The following DIP2C variants were observed in gnomAD, a reference collection of about 807,000 sequenced individuals.
The protein encoded by DIP2C is disco-interacting protein 2 homolog C.
A neutral mutation model predicts 192.4 loss-of-function variants in DIP2C; 33 were observed. That is an observed-to-expected ratio of 0.17 (90% CI 0.13 to 0.23). The LOEUF (loss-of-function observed/expected upper bound fraction) is 0.23, where lower values mean the gene tolerates loss of function less well. Ranked by LOEUF, DIP2C falls within the 10% of genes least tolerant of loss-of-function variation. DIP2C has a pLI of 1.00. For missense variants in DIP2C, 1,537 were observed against 2,110.1 expected (o/e 0.73, Z 5.32); for synonymous variants, 979 against 864.1 (o/e 1.13, Z -2.33).
At chr10:280,123 G>C (rs542157497) in intron 36 of DIP2C, among the ~76,000 whole-genome samples, 2 of 152,270 alleles carry the variant, frequency 1.3e-5, no homozygotes, top group South Asian at 4.2e-4. Flanking sequence ...GAGGACTTTT[G>C]AGAGTAGGGG....
chr10:627,439 G>C (rs923294137), intron 1 of DIP2C, among the ~76,000 whole-genome samples: 5 of 152,142 alleles, frequency 3.3e-5, no homozygotes, highest in African/African-American at 4.8e-5. Context: ...TGTTACTGAG[G>C]AAAAAGGAAA....
chr10:357,782 G>A (rs374833132), intron 23 of DIP2C, 46 bp downstream of exon 23: 108 of 1,482,080 alleles, frequency 7.3e-5, no homozygotes, highest in African/African-American at 4.2e-4. Flanking sequence ...GGGGACAGTC[G>A]GAAAAGTCGG....
intron 1 of DIP2C, among the ~76,000 whole-genome samples, chr10:520,285 C>T (rs145612195): frequency 2.5e-4 from 38 of 152,286 alleles, no homozygotes; most frequent in African/African-American, 8.7e-4. Context: ...ACCAGAACAT[C>T]AGACGCCACA....
At chr10:339,885 T>G (rs1053380252) in intron 29 of DIP2C, among the ~76,000 whole-genome samples, 2 of 152,240 alleles carry the variant, frequency 1.3e-5, no homozygotes, top group Non-Finnish European at 2.9e-5. Context: ...TTAAAAATAT[T>G]TGTTCCAGAA....
At chr10:665,464 T>C (rs1857030841) in intron 1 of DIP2C, 1 of 152,184 alleles carries the variant, frequency 6.6e-6, no homozygotes, top group Non-Finnish European at 1.5e-5. Flanking sequence ...TGGAAAATAT[T>C]TTCAGTAGTT....
At position 417,840 on chromosome 10, in the gene DIP2C, CCACCTGCACCTGTCAGAGCTCG is replaced by C. The variant is rs1564685750; in HGVS notation, c.739+1203_739+1224del. The stretch of plus-strand genomic sequence containing the variant: ...TCAGGGCGCGGACAGGCCTCCCTGT[CCACCTGCACCTGTCAGAGCTCG>C]GACAGGCCTCCCTGTCCACCTGCAC... On this transcript the variant is annotated intron_variant, in intron 6 of 36. Coordinates refer to ENST00000280886, the MANE Select transcript of DIP2C (RefSeq NM_014974.3). Among the ~76,000 whole-genome samples, 34 of 87,348 alleles carry C rather than the reference CCACCTGCACCTGTCAGAGCTCG, an allele frequency of 3.9e-4. 2 individuals are homozygous for C. Among genetic ancestry groups the C allele is most frequent in the African/African-American group, 1.4e-3 (23 of 16,886 alleles). The allele number at this position is 87,348 out of a possible 152,430, so 57.3% of individuals were successfully genotyped here.
chr10:293,967 A>G (rs1955618290), intron 32 of DIP2C, among the ~76,000 whole-genome samples: 2 of 152,214 alleles, frequency 1.3e-5, no homozygotes, highest in Non-Finnish European at 2.9e-5. Flanking sequence ...GCAACGAGAG[A>G]AAACAGAGGA....
intron 1 of DIP2C, among the ~76,000 whole-genome samples, chr10:578,450 C>G (rs927325636): frequency 1.3e-5 from 2 of 152,184 alleles, no homozygotes; most frequent in Admixed American, 6.5e-5. Flanking sequence ...ATCACCAAGT[C>G]CCTGTTGTTT....
chr10:476,393 T>C (rs542072112), intron 2 of DIP2C, among the ~76,000 whole-genome samples: 218 of 152,280 alleles, frequency 1.4e-3, no homozygotes, highest in African/African-American at 4.7e-3. Flanking sequence ...GGCAAGTTTG[T>C]GAACTTTCCT....
chr10:446,249 T>C (rs1331873567), intron 3 of DIP2C, among the ~76,000 whole-genome samples: 1 of 152,168 alleles, frequency 6.6e-6, no homozygotes, highest in African/African-American at 2.4e-5. Flanking sequence ...TGGGCATCTG[T>C]ATACACCTGT....
intron 1 of DIP2C, among the ~76,000 whole-genome samples, chr10:638,340 C>T (rs1588651882): frequency 6.6e-6 from 1 of 152,122 alleles, no homozygotes; most frequent in East Asian, 1.9e-4. Flanking sequence ...GAAAAGAGCA[C>T]GCTCTATTTA....
At chr10:530,707 T>G (rs1327936141) in intron 1 of DIP2C, among the ~76,000 whole-genome samples, 2 of 148,842 alleles carry the variant, frequency 1.3e-5, no homozygotes. Flanking sequence ...AAAAGGTTGA[T>G]TAATACAATA....
chr10:303,174 CTG>C (rs1448232009), intron 32 of DIP2C, among the ~76,000 whole-genome samples: 3 of 152,164 alleles, frequency 2.0e-5, no homozygotes, highest in Admixed American at 6.5e-5. Flanking sequence ...TTCTTAAACA[CTG>C]TACTCGTAAG....
intron 7 of DIP2C, among the ~76,000 whole-genome samples, chr10:414,707 A>ATGTATGTGTG (rs1554847954): frequency 2.1e-5 from 1 of 47,800 alleles, no homozygotes; most frequent in African/African-American, 9.1e-5. Context: ...GTGTGTATGT[A>ATGTATGTGTG]TGTGTGTGTG....
At chr10:643,217 CA>C (rs59131339) in intron 1 of DIP2C, among the ~76,000 whole-genome samples, 12,583 of 99,464 alleles carry the variant, frequency 0.13, 666 homozygotes, top group African/African-American at 0.19. Context: ...GACTCCGTCT[CA>C]AAAAAAAAAA....
intron 1 of DIP2C, among the ~76,000 whole-genome samples, chr10:599,628 AC>A (rs1186532136): frequency 1.3e-5 from 2 of 152,102 alleles, no homozygotes; most frequent in Non-Finnish European, 2.9e-5. Flanking sequence ...GGCTGGAGGG[AC>A]CTTCCAGGTA....
Position 286,053 on chromosome 10 carries a change from T to G in DIP2C, c.4119+220A>C, listed in dbSNP as rs140375179. 7.2e-5 allele frequency among the ~76,000 whole-genome samples: 11 copies of G among 152,362 alleles called. No individual in the cohort carries two copies. In the East Asian group the frequency reaches 2.1e-3, roughly 29 times the overall value. ...TCAGAATTATTTGAGGACAATCTAT[T>G]ATACTTCCCTAAGGAAGTGCCATTT... On this transcript the variant is annotated intron_variant, in intron 34 of 36. Transcript: ENST00000280886.
At chr10:494,985 C>T (rs1421668680) in intron 1 of DIP2C, among the ~76,000 whole-genome samples, 2 of 152,198 alleles carry the variant, frequency 1.3e-5, no homozygotes, top group Admixed American at 6.5e-5. Context: ...AATTGACCTA[C>T]GCATCCATCA....
In DIP2C at chr10:603,298, C is replaced by CAAAAAAAAAAAAAAAAAAAAAAAAAAAAA. The variant is rs71376842; in HGVS notation, c.85+86167_85+86195dup. ...TGGGTGACAGAATGAGACTCCATCT[C>CAAAAAAAAAAAAAAAAAAAAAAAAAAAAA]AAAAAAAAAAAAAAAAAAAAAAAAA... On this transcript the variant is annotated intron_variant, in intron 1 of 36. Transcript: ENST00000280886. Among the ~76,000 whole-genome samples, 3 of 45,882 alleles carry CAAAAAAAAAAAAAAAAAAAAAAAAAAAAA rather than the reference C, an allele frequency of 6.5e-5. 1 individual carries two copies. Among genetic ancestry groups the CAAAAAAAAAAAAAAAAAAAAAAAAAAAAA allele is most frequent in the African/African-American group, 3.7e-4 (3 of 8,142 alleles). The allele number at this position is 45,882 out of a possible 152,430, so 30.1% of individuals were successfully genotyped here. A position where few individuals can be genotyped will look rare whatever the true frequency, so the allele number is the denominator to read the frequency against.
Sources: gnomAD v4.1 joint callset for allele counts (sites outside exome capture counted in the v4.1 genomes callset) on GRCh38, gnomAD v4.1.1 for gene constraint, MANE v1.5 for transcripts, NCBI Gene and HGNC (gene_info 2026-07-23, HGNC 2026-07-21) for gene names.